Variants in STIM2 observed in about 807,000 individuals in gnomAD.
The protein encoded by STIM2 is stromal interaction molecule 2.
In STIM2, 31 loss-of-function variants were observed where a neutral mutation model predicts 85.8. That is an observed-to-expected ratio of 0.36 (90% CI 0.27 to 0.49). STIM2 has a LOEUF of 0.49. Ranked by LOEUF, STIM2 falls within the 20% of genes least tolerant of loss-of-function variation. STIM2 has a pLI of 0.98. For synonymous variants in STIM2, 356 were observed against 331.1 expected (o/e 1.08, Z -0.82); for missense variants, 841 against 927.6 (o/e 0.91, Z 1.21).
chr4:26,974,838 A>G (rs934795464), intron 3 of STIM2, among the ~76,000 whole-genome samples: 2 of 152,196 alleles, frequency 1.3e-5, no homozygotes, highest in Admixed American at 1.3e-4. Context: ...GTGTTTTCCA[A>G]CTTGGGTCCA....
chr4:26,960,598 A>G (rs774578477), intron 3 of STIM2, among the ~76,000 whole-genome samples: 9 of 152,228 alleles, frequency 5.9e-5, no homozygotes, highest in African/African-American at 1.4e-4. Flanking sequence ...TAGTTGGTCA[A>G]ATGTTTTGAG....
intron 1 of STIM2, among the ~76,000 whole-genome samples, chr4:26,870,350 C>A (rs1427090172): frequency 6.6e-6 from 1 of 151,182 alleles, no homozygotes. Flanking sequence ...GAATTAGCTT[C>A]ATTGTGGTGA....
Position 26,861,379 on chromosome 4 carries a change from CG to C in STIM2, c.151+16del, listed in dbSNP as rs1453401290. On this transcript the variant is annotated intron_variant, in intron 1 of 11. Coordinates refer to ENST00000467087, the MANE Select transcript of STIM2 (RefSeq NM_020860.4). ...CCGGCGCTCATGACAGGTGAGGGGCCGGGGGGCGGCGGGCGGGGCTCGGCCG... is the reference window on the plus strand; with the variant it reads ...CCGGCGCTCATGACAGGTGAGGGGCCGGGGGCGGCGGGCGGGGCTCGGCCG... 6 of 1,287,884 alleles carry C rather than the reference CG, an allele frequency of 4.7e-6. No homozygotes were observed. The highest frequency in any genetic ancestry group is 3.1e-5 in the African/African-American group (2 of 64,356). 79.8% of individuals were successfully genotyped at this position (1,287,884 alleles called of 1,614,324 possible). A position where few individuals can be genotyped will look rare whatever the true frequency, so the allele number is the denominator to read the frequency against.
At chr4:26,892,056 G>A (rs1723511148) in intron 1 of STIM2, among the ~76,000 whole-genome samples, 1 of 152,150 alleles carries the variant, frequency 6.6e-6, no homozygotes. Flanking sequence ...AGCTCTGTCT[G>A]CCGCTATCTG....
intron 3 of STIM2, among the ~76,000 whole-genome samples, chr4:26,963,718 T>G (rs758733898): frequency 9.9e-5 from 15 of 152,184 alleles, no homozygotes; most frequent in Non-Finnish European, 1.0e-4. Context: ...TACAGGGAAG[T>G]CTTCATTAGG....
intron 3 of STIM2, among the ~76,000 whole-genome samples, chr4:26,990,765 A>G (rs1328593651): frequency 6.6e-6 from 1 of 152,134 alleles, no homozygotes; most frequent in Non-Finnish European, 1.5e-5. Context: ...AATCTGAGTA[A>G]AAAATGGGCA....
intron 1 of STIM2, among the ~76,000 whole-genome samples, chr4:26,897,047 T>G (rs1467184722): frequency 6.6e-6 from 1 of 152,246 alleles, no homozygotes; most frequent in African/African-American, 2.4e-5. Context: ...TTTTTATTGA[T>G]GAGTAAATAT....
chr4:27,012,850 G>T (rs921334232), intron 10 of STIM2, among the ~76,000 whole-genome samples: 14 of 151,512 alleles, frequency 9.2e-5, no homozygotes, highest in Non-Finnish European at 1.9e-4. Flanking sequence ...GCTAAGAATG[G>T]TTTTTTTTGG....
At chr4:26,879,390 G>T (rs1722923203) in intron 1 of STIM2, among the ~76,000 whole-genome samples, 1 of 151,920 alleles carries the variant, frequency 6.6e-6, no homozygotes, top group Non-Finnish European at 1.5e-5. Context: ...AGGATTATGG[G>T]ATTGAGTCAG....
chr4:26,965,740 TTC>T (rs1399753016), intron 3 of STIM2, among the ~76,000 whole-genome samples: 1 of 152,176 alleles, frequency 6.6e-6, no homozygotes, highest in Non-Finnish European at 1.5e-5. Flanking sequence ...CTGGGATTAA[TTC>T]TGTCTTTTTA....
At chr4:26,903,949 C>CT (rs202247694) in intron 1 of STIM2, among the ~76,000 whole-genome samples, 2,768 of 150,942 alleles carry the variant, frequency 0.018, 89 homozygotes, top group African/African-American at 0.062. Flanking sequence ...CTAAAAACAA[C>CT]TTTTTTTTTA....
At position 26,999,289 on chromosome 4, in the gene STIM2, TCA is replaced by T; in HGVS notation, c.570_571del (p.His190GlnfsTer23). The T allele has an allele frequency of 6.2e-7, 1 of 1,609,262 alleles. No homozygotes were observed. Among genetic ancestry groups the T allele is most frequent in the Non-Finnish European group, 8.5e-7 (1 of 1,177,730 alleles). On this transcript the variant is annotated frameshift_variant, in exon 5 of 12. Transcript: ENST00000467087. LOFTEE classifies it high-confidence loss of function. ...CCCAGTTGAAAATCAGTGACCGGAG[TCA>T]CAGACAAAAACTTCAGCTCAAGGCA...
Position 27,024,569 on chromosome 4 carries a change from TTG to T in STIM2, c.*1576_*1577del, listed in dbSNP as rs1255082906. Reference sequence around the variant, plus strand: ...ACAATTTCCTGATGTCTCCTATAAATTGTGATTGTTTATTCTATTACTATTGT... The same window carrying T: ...ACAATTTCCTGATGTCTCCTATAAATTGATTGTTTATTCTATTACTATTGT... On this transcript the variant is annotated 3_prime_UTR_variant, in exon 12 of 12. Transcript: ENST00000467087. The T allele has an allele frequency of 2.6e-5, 4 of 152,246 alleles. No homozygotes were observed. The highest frequency in any genetic ancestry group is 4.4e-5 in the Non-Finnish European group (3 of 68,038). 9.4% of individuals were successfully genotyped at this position (152,246 alleles called of 1,614,324 possible).
At position 26,995,521 on chromosome 4, in the gene STIM2, A is replaced by C. The variant is rs752328162; in HGVS notation, c.509+31A>C. The C allele has an allele frequency of 2.1e-6, 3 of 1,420,534 alleles. No individual in the cohort carries two copies. The Admixed American group carries it at 5.9e-5, about 28-fold the overall frequency. The allele number at this position is 1,420,534 out of a possible 1,614,324, so 88.0% of individuals were successfully genotyped here. ...TCTTTGTTATGCAAATGTATTTTCC[A>C]CTCAGGGAGAATTATATGCTAGATG... On this transcript the variant is annotated intron_variant, in intron 4 of 11. Transcript: ENST00000467087.
At chr4:26,959,028 G>A (rs1233659073) in intron 3 of STIM2, among the ~76,000 whole-genome samples, 1 of 152,148 alleles carries the variant, frequency 6.6e-6, no homozygotes, top group Non-Finnish European at 1.5e-5. Flanking sequence ...CTCTTGCCTG[G>A]ATAATTGTGA....
At chr4:26,944,785 C>T (rs1270029499) in intron 2 of STIM2, among the ~76,000 whole-genome samples, 1 of 152,054 alleles carries the variant, frequency 6.6e-6, no homozygotes. Context: ...GTATTTTCCC[C>T]AACACTATCT....
intron 2 of STIM2, among the ~76,000 whole-genome samples, chr4:26,927,703 A>AC (rs1388746251): frequency 7.8e-6 from 1 of 129,002 alleles, no homozygotes; most frequent in Admixed American, 7.7e-5. Flanking sequence ...AAAAAAAAAA[A>AC]AAAACTTGAA....
intron 3 of STIM2, among the ~76,000 whole-genome samples, chr4:26,993,709 T>C (rs1727848958): frequency 6.6e-6 from 1 of 152,174 alleles, no homozygotes; most frequent in African/African-American, 2.4e-5. Context: ...ATCCTTCCCT[T>C]TGCATAAACT....
chr4:26,973,685 G>T (rs972190648), intron 3 of STIM2, among the ~76,000 whole-genome samples: 1 of 152,170 alleles, frequency 6.6e-6, no homozygotes, highest in African/African-American at 2.4e-5. Context: ...GAATAAGTGC[G>T]ATGTGGTGCT....
Sources: gnomAD v4.1 joint callset for allele counts (sites outside exome capture counted in the v4.1 genomes callset) on GRCh38, gnomAD v4.1.1 for gene constraint, MANE v1.5 for transcripts, NCBI Gene and HGNC (gene_info 2026-07-23, HGNC 2026-07-21) for gene names.